SPEF2: variants seen among roughly 807,000 people sequenced by gnomAD.
SPEF2 encodes the protein sperm flagellar and cilia associated 2, also known as sperm flagella and cilia-associated protein 2.
A neutral mutation model predicts 224.6 loss-of-function variants in SPEF2; 187 were observed. The observed-to-expected ratio is 0.83, with a 90% confidence interval of 0.74 to 0.94. The LOEUF (loss-of-function observed/expected upper bound fraction) is 0.94, where lower values mean the gene tolerates loss of function less well. Among genes scored for constraint, SPEF2 ranks in the 40% least tolerant of loss-of-function variants. The probability of loss-of-function intolerance (pLI) is 0.00; values close to 1 mark genes in which losing one functional copy is unlikely to be tolerated. For synonymous variants in SPEF2, 715 were observed against 707.3 expected (o/e 1.01, Z -0.17); for missense variants, 2,170 against 2,135.6 (o/e 1.02, Z -0.32).
In SPEF2 at chr5:35,708,963, A is replaced by C. The variant is rs753349937; in HGVS notation, c.2681A>C (p.Glu894Ala). The change falls in exon 19 of 37, where the codon GAA (glutamate) becomes GCA (alanine). Residue 894 changes from glutamate to alanine, a missense_variant. Coordinates refer to ENST00000356031, the MANE Select transcript of SPEF2 (RefSeq NM_024867.4). ...CCTTTTGAAGTTGAGAAGAAATTAG[A>C]AGAAAAGGAAGCTGAGAAAAAAGCA... ...KKKNKVEKKL[E>A]EKEAEKKAAA... The C allele has an allele frequency of 5.6e-6, 9 of 1,609,284 alleles. No individual in the cohort carries two copies. The Admixed American group carries it at 1.0e-4, about 18-fold the overall frequency.
intron 6 of SPEF2, among the ~76,000 whole-genome samples, chr5:35,654,192 G>A (rs1342153440): frequency 2.3e-4 from 35 of 151,788 alleles, no homozygotes; most frequent in African/African-American, 6.8e-4. Context: ...CCCAGGAGGC[G>A]GAGGTTGCAG....
rs765918254 is a variant in SPEF2 at position 35,700,631 on chromosome 5, C to T, written c.2277C>T (p.Ser759=). Residue 759 remains serine, a synonymous_variant, in exon 16 of 37, where the codon TCC becomes TCT. Transcript: ENST00000356031. ...TEVERKKAQK[S]TLAIDPATSK... Reference sequence around the variant, plus strand: ...TGGAAAGAAAAAAAGCACAAAAATCCACATTGGCTATTGATCCTGCGACTT... The same window carrying T: ...TGGAAAGAAAAAAAGCACAAAAATCTACATTGGCTATTGATCCTGCGACTT... The T allele has an allele frequency of 6.2e-7, 1 of 1,613,922 alleles. No individual in the cohort carries two copies. The highest frequency in any genetic ancestry group is 1.6e-4 in the Middle Eastern group (1 of 6,062).
chr5:35,797,847 A>G (rs1271387642), intron 33 of SPEF2, among the ~76,000 whole-genome samples: 1 of 152,194 alleles, frequency 6.6e-6, no homozygotes, highest in Admixed American at 6.5e-5. Context: ...CTCTGCTCCC[A>G]GTGCTGCCAG....
Position 35,644,588 on chromosome 5 carries a change from G to A in SPEF2, c.585+63G>A, listed in dbSNP as rs551061411. On this transcript the variant is annotated intron_variant, in intron 4 of 36. Transcript: ENST00000356031. ...ATAGTATACAGTTTGTGATTTATGC[G>A]TATAGTACACATTGCATAAGTAGTA... 88 of 1,288,452 alleles carry A rather than the reference G, an allele frequency of 6.8e-5. No individual in the cohort carries two copies. The South Asian group carries it at 8.3e-4, about 12-fold the overall frequency. 79.8% of individuals were successfully genotyped at this position (1,288,452 alleles called of 1,614,324 possible).
intron 8 of SPEF2, among the ~76,000 whole-genome samples, chr5:35,663,836 C>T (rs1016409042): frequency 1.3e-5 from 2 of 152,190 alleles, no homozygotes; most frequent in Admixed American, 6.5e-5. Flanking sequence ...CTACAGTCAT[C>T]AGGTGCAAGC....
chr5:35,707,153 A>T (rs1434475283), intron 18 of SPEF2, among the ~76,000 whole-genome samples: 1 of 152,214 alleles, frequency 6.6e-6, no homozygotes, highest in African/African-American at 2.4e-5. Context: ...AAACTTTCCG[A>T]CTAAGTTAAA....
intron 9 of SPEF2, among the ~76,000 whole-genome samples, chr5:35,669,143 A>G (rs1750898731): frequency 6.6e-6 from 1 of 152,088 alleles, no homozygotes; most frequent in Non-Finnish European, 1.5e-5. Context: ...TCTTCTAGGT[A>G]CCTTATATAA....
chr5:35,773,882 T>C lies in SPEF2; in HGVS notation c.3950-11T>C. The C allele has an allele frequency of 6.2e-7, 1 of 1,609,698 alleles. No homozygotes were observed. Among genetic ancestry groups the C allele is most frequent in the Non-Finnish European group, 8.5e-7 (1 of 1,178,346 alleles). Reference sequence around the variant, plus strand: ...TGTTAGTTTACTCAGCATGTTTCATTGCCCTTTCAGGTAAATCACCACCTA... The same window carrying C: ...TGTTAGTTTACTCAGCATGTTTCATCGCCCTTTCAGGTAAATCACCACCTA... On this transcript the variant is annotated splice_polypyrimidine_tract_variant and intron_variant, in intron 27 of 36. Transcript: ENST00000356031.
At chr5:35,683,641 C>A (rs1753149580) in intron 10 of SPEF2, among the ~76,000 whole-genome samples, 1 of 151,882 alleles carries the variant, frequency 6.6e-6, no homozygotes, top group Non-Finnish European at 1.5e-5. Flanking sequence ...AACAAACAAG[C>A]AAAAACCAGT....
At chr5:35,775,858 T>A (rs1434494989) in intron 28 of SPEF2, among the ~76,000 whole-genome samples, 1 of 152,162 alleles carries the variant, frequency 6.6e-6, no homozygotes, top group Non-Finnish European at 1.5e-5. Flanking sequence ...CAGGGGCACA[T>A]GGAGTTTGCC....
chr5:35,636,697 G>A (rs115263865), intron 2 of SPEF2, among the ~76,000 whole-genome samples: 10 of 152,092 alleles, frequency 6.6e-5, no homozygotes, highest in African/African-American at 9.7e-5. Flanking sequence ...ACTCTGGGCC[G>A]GGTGTGGTGG....
chr5:35,747,177 GA>G, intron 23 of SPEF2, among the ~76,000 whole-genome samples: 1 of 152,084 alleles, frequency 6.6e-6, no homozygotes, highest in Non-Finnish European at 1.5e-5. Flanking sequence ...TCTAAATCTT[GA>G]AACAAATCCT....
At chr5:35,709,862 A>T in intron 19 of SPEF2, 1 of 985,424 alleles carries the variant, frequency 1.0e-6, no homozygotes, top group Non-Finnish European at 1.2e-6. Context: ...TCTGGTTTCT[A>T]GTTTCAGCTT....
intron 2 of SPEF2, among the ~76,000 whole-genome samples, chr5:35,638,949 A>G (rs1484372444): frequency 6.6e-6 from 1 of 152,200 alleles, no homozygotes; most frequent in Non-Finnish European, 1.5e-5. Context: ...CAGGTGTACC[A>G]AAGTGGCTCT....
At chr5:35,683,218 G>A (rs953703627) in intron 10 of SPEF2, among the ~76,000 whole-genome samples, 4 of 152,168 alleles carry the variant, frequency 2.6e-5, no homozygotes, top group African/African-American at 9.7e-5. Flanking sequence ...AGACAGCAGA[G>A]TGGTAGGCCC....
intron 30 of SPEF2, among the ~76,000 whole-genome samples, chr5:35,783,753 A>G (rs535152273): frequency 1.5e-4 from 23 of 152,202 alleles, no homozygotes; most frequent in Non-Finnish European, 1.9e-4. Context: ...TGTGTGCTCC[A>G]GTAAGTTCTG....
chr5:35,674,494 A>G (rs1751623798), intron 10 of SPEF2, among the ~76,000 whole-genome samples: 1 of 150,766 alleles, frequency 6.6e-6, no homozygotes, highest in African/African-American at 2.4e-5. Context: ...GTCATTTAAC[A>G]TTAGGTATAT....
chr5:35,670,608 CT>C (rs985972562), intron 10 of SPEF2: 3 of 986,062 alleles, frequency 3.0e-6, no homozygotes, highest in African/African-American at 1.7e-5. Flanking sequence ...AAATAATAGA[CT>C]TTTTTTACAG....
At position 35,814,189 on chromosome 5, in the gene SPEF2, T is replaced by C. The variant is rs12521889; in HGVS notation, c.5380-275T>C. ...CATTATATGCCAGGTTCTGTGTAACTGCTTTTACAAATGTTAATTAACCTA... is the reference window on the plus strand; with the variant it reads ...CATTATATGCCAGGTTCTGTGTAACCGCTTTTACAAATGTTAATTAACCTA... On this transcript the variant is annotated intron_variant, in intron 36 of 36. Transcript: ENST00000356031. 2.3e-3 allele frequency among the ~76,000 whole-genome samples: 358 copies of C among 152,358 alleles called. 2 individuals carry two copies. Among genetic ancestry groups the C allele is most frequent in the Admixed American group, 0.019 (293 of 15,300 alleles).
Sources: allele counts gnomAD v4.1 joint callset (sites outside exome capture counted in the v4.1 genomes callset), GRCh38; gene constraint gnomAD v4.1.1; transcripts MANE v1.5; gene names NCBI Gene and HGNC (gene_info 2026-07-23, HGNC 2026-07-21).